Variants in ZNF704 observed in about 807,000 individuals in gnomAD.
ZNF704 encodes the protein zinc finger protein 704.
In ZNF704, 10 loss-of-function variants were observed where a neutral mutation model predicts 44.7. The ratio of observed to expected loss-of-function variants is 0.22; its 90% CI spans 0.14 to 0.38. ZNF704 has a LOEUF of 0.38. Among genes scored for constraint, ZNF704 ranks in the 10% least tolerant of loss-of-function variants. ZNF704 has a pLI of 1.00. For synonymous variants in ZNF704, 211 were observed against 207.6 expected, an observed-to-expected ratio of 1.02 and a Z score of -0.14; for missense variants, 390 against 545.5, an observed-to-expected ratio of 0.71 and a Z score of 2.84.
At chr8:80,694,484 C>G (rs1284220635) in intron 2 of ZNF704, among the ~76,000 whole-genome samples, 1 of 152,164 alleles carries the variant, frequency 6.6e-6, no homozygotes. Context: ...GTTGAAGAAG[C>G]CCAACAGAGG....
chr8:80,678,217 T>A (rs1818400147), intron 4 of ZNF704, among the ~76,000 whole-genome samples: 1 of 152,232 alleles, frequency 6.6e-6, no homozygotes, highest in Non-Finnish European at 1.5e-5. Context: ...TGCTGTGGAT[T>A]TGCAAGGCAG....
chr8:80,754,286 A>C (rs1806998824), intron 2 of ZNF704, among the ~76,000 whole-genome samples: 1 of 152,340 alleles, frequency 6.6e-6, no homozygotes, highest in African/African-American at 2.4e-5. Flanking sequence ...ACAGCCATTT[A>C]GTGGTTTGGA....
At chr8:80,666,838 G>T (rs1269941131) in intron 5 of ZNF704, among the ~76,000 whole-genome samples, 3 of 150,542 alleles carry the variant, frequency 2.0e-5, no homozygotes, top group African/African-American at 2.4e-5. Context: ...TAAATTTGTT[G>T]GAGTTCATTG....
At chr8:80,794,108 G>A (rs547037868) in intron 2 of ZNF704, among the ~76,000 whole-genome samples, 1 of 151,964 alleles carries the variant, frequency 6.6e-6, no homozygotes, top group African/African-American at 2.4e-5. Context: ...AAATTAAGAG[G>A]TAACAAAGCT....
At chr8:80,644,192 T>A (rs1417730264) in intron 7 of ZNF704, among the ~76,000 whole-genome samples, 1 of 152,286 alleles carries the variant, frequency 6.6e-6, no homozygotes, top group Non-Finnish European at 1.5e-5. Flanking sequence ...TTAAGTAACT[T>A]GCCAAAGGTC....
intron 1 of ZNF704, among the ~76,000 whole-genome samples, chr8:80,832,022 G>A (rs1003201995): frequency 1.2e-4 from 19 of 152,110 alleles, no homozygotes; most frequent in African/African-American, 4.3e-4. Context: ...GTGTATCACA[G>A]ACATACACAT....
chr8:80,789,295 G>C (rs972609771), intron 2 of ZNF704, among the ~76,000 whole-genome samples: 3 of 152,218 alleles, frequency 2.0e-5, no homozygotes, highest in African/African-American at 7.2e-5. Context: ...GTATGGTCTG[G>C]TGGTGGAAGA....
intron 2 of ZNF704, among the ~76,000 whole-genome samples, chr8:80,741,736 C>T (rs920721295): frequency 4.6e-5 from 7 of 152,200 alleles, no homozygotes; most frequent in African/African-American, 1.2e-4. Context: ...CTCAAACCTA[C>T]GCCGCTCGAG....
At chr8:80,734,840 G>A (rs1806641222) in intron 2 of ZNF704, among the ~76,000 whole-genome samples, 1 of 152,220 alleles carries the variant, frequency 6.6e-6, no homozygotes, top group African/African-American at 2.4e-5. Flanking sequence ...GCCATTTGGA[G>A]CTGGCCTTCA....
rs1809328473 is a variant in ZNF704, at chr8:80,874,447, C to T, written c.-22+124G>A. 1 of 150,920 alleles carries T rather than the reference C, an allele frequency of 6.6e-6. No individual in the cohort carries two copies. Among genetic ancestry groups the T allele is most frequent in the Non-Finnish European group, 1.5e-5 (1 of 67,658 alleles). The allele number at this position is 150,920 out of a possible 1,614,324, so 9.3% of individuals were successfully genotyped here. A position where few individuals can be genotyped will look rare whatever the true frequency, so the allele number is the denominator to read the frequency against. Reference sequence around the variant, plus strand: ...CGCTCCGGGCCTACCGCTGCCGTGCCTCGGCGCGAGCTGTTTGTGTTGTAT... The same window carrying T: ...CGCTCCGGGCCTACCGCTGCCGTGCTTCGGCGCGAGCTGTTTGTGTTGTAT... On this transcript the variant is annotated intron_variant, in intron 1 of 8. Coordinates refer to ENST00000327835, the MANE Select transcript of ZNF704 (RefSeq NM_001033723.3). The surrounding 1 kb of genome is among the most constrained non-coding windows in gnomAD (Gnocchi z 4.4).
chr8:80,657,590 G>C (rs1399801032), intron 7 of ZNF704, among the ~76,000 whole-genome samples: 1 of 151,910 alleles, frequency 6.6e-6, no homozygotes, highest in African/African-American at 2.4e-5. Flanking sequence ...CTACTCAGGA[G>C]GCTGAAGTGG....
chr8:80,733,826 C>T (rs925778350), intron 2 of ZNF704, among the ~76,000 whole-genome samples: 1 of 152,130 alleles, frequency 6.6e-6, no homozygotes, highest in Admixed American at 6.5e-5. Context: ...TGAGCAATTC[C>T]TTTTAGTATA....
Position 80,746,861 on chromosome 8 carries a change from T to C in ZNF704, c.222-53754A>G, listed in dbSNP as rs544981872. Among the ~76,000 whole-genome samples, 19 of 152,258 alleles carry C rather than the reference T, an allele frequency of 1.2e-4. 1 individual carries two copies. In the Middle Eastern group the frequency reaches 0.02, roughly 164 times the overall value. ...TAAACCAGGCAAAAGGTCCTCACAA[T>C]TCACATTATTAATAAGGTGAAATGA... On this transcript the variant is annotated intron_variant, in intron 2 of 8. Coordinates refer to ENST00000327835, the MANE Select transcript of ZNF704 (RefSeq NM_001033723.3).
chr8:80,713,542 A>G (rs1819025786), intron 2 of ZNF704, among the ~76,000 whole-genome samples: 1 of 152,204 alleles, frequency 6.6e-6, no homozygotes, highest in Admixed American at 6.5e-5. Flanking sequence ...CAGTCATAAA[A>G]TATTTGATAA....
intron 2 of ZNF704, among the ~76,000 whole-genome samples, chr8:80,731,700 T>C (rs1284406665): frequency 6.6e-6 from 1 of 152,160 alleles, no homozygotes; most frequent in African/African-American, 2.4e-5. Flanking sequence ...AATCCAAGGC[T>C]GTGGTGAGCT....
chr8:80,840,022 T>A (rs1007851948), intron 1 of ZNF704, among the ~76,000 whole-genome samples: 1 of 152,240 alleles, frequency 6.6e-6, no homozygotes, highest in Non-Finnish European at 1.5e-5. Context: ...TTGCTCAGTT[T>A]TGAATCCCAG....
chr8:80,680,257 T>C (rs1237910812), intron 4 of ZNF704, among the ~76,000 whole-genome samples: 1 of 152,170 alleles, frequency 6.6e-6, no homozygotes, highest in Non-Finnish European at 1.5e-5. Context: ...ATATGACGTG[T>C]AAGTCCAACT....
intron 2 of ZNF704, among the ~76,000 whole-genome samples, chr8:80,774,048 TTC>T (rs1175138429): frequency 7.1e-6 from 1 of 141,086 alleles, no homozygotes; most frequent in Non-Finnish European, 1.5e-5. Flanking sequence ...TATTTAAATC[TTC>T]TTTTTTTTTT....
intron 4 of ZNF704, among the ~76,000 whole-genome samples, chr8:80,676,892 C>T (rs965610378): frequency 3.3e-5 from 5 of 152,182 alleles, no homozygotes; most frequent in Non-Finnish European, 7.3e-5. Flanking sequence ...GGAGCACAGG[C>T]GGTAATGCTC....
Sources: allele counts gnomAD v4.1 joint callset (sites outside exome capture counted in the v4.1 genomes callset), GRCh38; gene constraint gnomAD v4.1.1; non-coding constraint Gnocchi (gnomAD v3.1); transcripts MANE v1.5; gene names NCBI Gene and HGNC (gene_info 2026-07-23, HGNC 2026-07-21).